Variants in MEI4 observed in about 807,000 individuals in gnomAD.
MEI4 encodes the protein meiosis-specific protein MEI4.
Under a neutral mutation model 31.4 loss-of-function variants are expected in MEI4, and 27 were observed. That is an observed-to-expected ratio of 0.86 (90% CI 0.63 to 1.19). The LOEUF (loss-of-function observed/expected upper bound fraction) is 1.19. MEI4 is among the 50% of genes most tolerant of loss of function. The pLI, the probability that MEI4 is intolerant of heterozygous loss-of-function variation, is 0.00. For synonymous variants in MEI4, 122 were observed against 145.4 expected (o/e 0.84, Z 1.16); for missense variants, 329 against 398.9 (o/e 0.82, Z 1.49).
At chr6:77,766,492 C>A (rs1768178160) in intron 3 of MEI4, among the ~76,000 whole-genome samples, 1 of 152,188 alleles carries the variant, frequency 6.6e-6, no homozygotes, top group African/African-American at 2.4e-5. Flanking sequence ...CGGCTCACTG[C>A]AAGCTCTGCC....
chr6:77,732,094 T>C (rs1049662385), intron 2 of MEI4, among the ~76,000 whole-genome samples: 3 of 151,070 alleles, frequency 2.0e-5, no homozygotes, highest in Admixed American at 6.6e-5. Flanking sequence ...TGACTTAGGA[T>C]TGACTTGGCG....
At chr6:77,780,476 T>C (rs1405873553) in intron 3 of MEI4, among the ~76,000 whole-genome samples, 1 of 152,144 alleles carries the variant, frequency 6.6e-6, no homozygotes, top group Admixed American at 6.5e-5. Flanking sequence ...CCCAGCCCCA[T>C]AGCAGCTCTT....
chr6:77,763,147 G>C (rs118181379), intron 3 of MEI4, among the ~76,000 whole-genome samples: 890 of 152,166 alleles, frequency 5.8e-3, no homozygotes, highest in Non-Finnish European at 9.6e-3. Context: ...TGTATGGAAG[G>C]AGGATAATGT....
intron 4 of MEI4, among the ~76,000 whole-genome samples, chr6:77,855,067 G>A (rs1387901971): frequency 2.6e-5 from 4 of 152,112 alleles, no homozygotes; most frequent in African/African-American, 4.8e-5. Flanking sequence ...GTCCGGGTGT[G>A]GTGGCTCATA....
At chr6:77,733,691 G>A (rs1345393415) in intron 2 of MEI4, among the ~76,000 whole-genome samples, 1 of 151,688 alleles carries the variant, frequency 6.6e-6, no homozygotes, top group Non-Finnish European at 1.5e-5. Flanking sequence ...GTTTGCTCTT[G>A]CTTTTCTAGT....
chr6:77,674,457 G>A (rs1033228154), intron 1 of MEI4, among the ~76,000 whole-genome samples: 5 of 151,774 alleles, frequency 3.3e-5, no homozygotes, highest in Non-Finnish European at 7.4e-5. Context: ...CTTTTTCTAT[G>A]TTTATGTATG....
chr6:77,904,537 C>G (rs1581966238), intron 4 of MEI4, among the ~76,000 whole-genome samples: 1 of 152,164 alleles, frequency 6.6e-6, no homozygotes, highest in Middle Eastern at 3.4e-3. Flanking sequence ...ATTTAGCTCT[C>G]ACTTATAAAT....
At chr6:77,694,469 G>A (rs940663987) in intron 2 of MEI4, among the ~76,000 whole-genome samples, 1 of 144,484 alleles carries the variant, frequency 6.9e-6, no homozygotes, top group African/African-American at 2.6e-5. Flanking sequence ...GTGTCCATGT[G>A]TTCTCATTGT....
rs1766815210 is a variant in MEI4 at position 77,925,177 on chromosome 6, T to C, written c.*1831T>C. ...ACGTAATGATCAGCTAAGAGACTTT[T>C]GGAGCTACAACAAATTTATTAATTT... On this transcript the variant is annotated 3_prime_UTR_variant, in exon 5 of 5. Coordinates refer to ENST00000684080, the MANE Select transcript of MEI4 (RefSeq NM_001322247.2). The C allele has an allele frequency of 6.6e-6, 1 of 151,900 alleles. No individual in the cohort carries two copies. Among genetic ancestry groups the C allele is most frequent in the African/African-American group, 2.4e-5 (1 of 41,404 alleles). The allele number at this position is 151,900 out of a possible 1,614,324, so 9.4% of individuals were successfully genotyped here. A position where few individuals can be genotyped will look rare whatever the true frequency, so the allele number is the denominator to read the frequency against.
intron 3 of MEI4, among the ~76,000 whole-genome samples, chr6:77,772,042 T>G (rs1013922108): frequency 5.3e-5 from 8 of 151,692 alleles, no homozygotes; most frequent in Non-Finnish European, 8.8e-5. Context: ...AACATTAAAG[T>G]GAAATAAAAA....
intron 4 of MEI4, among the ~76,000 whole-genome samples, chr6:77,891,145 G>A (rs1771757973): frequency 6.6e-6 from 1 of 152,078 alleles, no homozygotes; most frequent in South Asian, 2.1e-4. Context: ...ATCTTTTTGG[G>A]ATTCTTTGAG....
intron 4 of MEI4, among the ~76,000 whole-genome samples, chr6:77,872,427 A>T (rs1239702317): frequency 6.6e-6 from 1 of 151,866 alleles, no homozygotes; most frequent in African/African-American, 2.4e-5. Context: ...CTTTAACCCA[A>T]CCTGAACAAC....
intron 4 of MEI4, among the ~76,000 whole-genome samples, chr6:77,872,750 T>A (rs1771228849): frequency 3.8e-5 from 4 of 104,468 alleles, no homozygotes; most frequent in African/African-American, 1.5e-4. Context: ...CCCACAACAG[T>A]CCCCAGAGTG....
chr6:77,695,746 G>A (rs538758113), intron 2 of MEI4, among the ~76,000 whole-genome samples: 30 of 152,270 alleles, frequency 2.0e-4, no homozygotes, highest in African/African-American at 6.0e-4. Context: ...TGGCAATGCG[G>A]GCTCTTTTTT....
chr6:77,796,465 A>G (rs1232056787), intron 3 of MEI4, among the ~76,000 whole-genome samples: 2 of 152,192 alleles, frequency 1.3e-5, no homozygotes, highest in African/African-American at 4.8e-5. Context: ...AGAACACCCT[A>G]AAAATGCCAT....
At chr6:77,792,670 A>G (rs1768968553) in intron 3 of MEI4, among the ~76,000 whole-genome samples, 1 of 150,742 alleles carries the variant, frequency 6.6e-6, no homozygotes, top group South Asian at 2.1e-4. Flanking sequence ...TGAGATAAGG[A>G]TCTAATTTTA....
intron 4 of MEI4, among the ~76,000 whole-genome samples, chr6:77,914,073 TA>T (rs1400198792): frequency 2.0e-5 from 3 of 151,638 alleles, no homozygotes; most frequent in Non-Finnish European, 4.4e-5. Context: ...TTATATTGTT[TA>T]TATGAGTTTC....
intron 4 of MEI4, among the ~76,000 whole-genome samples, chr6:77,901,050 T>C (rs913401624): frequency 2.0e-5 from 3 of 152,018 alleles, no homozygotes; most frequent in Admixed American, 6.6e-5. Context: ...TTTTCTTTTC[T>C]TTTTTAAGGC....
At chr6:77,726,092 G>T (rs1447877215) in intron 2 of MEI4, among the ~76,000 whole-genome samples, 1 of 108,206 alleles carries the variant, frequency 9.2e-6, no homozygotes, top group Non-Finnish European at 1.9e-5. Flanking sequence ...CAGTTTTTGT[G>T]TCCCTGGGTA....
Sources: allele counts gnomAD v4.1 joint callset (sites outside exome capture counted in the v4.1 genomes callset), GRCh38; gene constraint gnomAD v4.1.1; transcripts MANE v1.5; gene names NCBI Gene and HGNC (gene_info 2026-07-23, HGNC 2026-07-21).